Variants in CBX7 observed in about 807,000 individuals in gnomAD.
The protein encoded by CBX7 is chromobox protein homolog 7.
In CBX7, 14 loss-of-function variants were observed where a neutral mutation model predicts 31.4. That is an observed-to-expected ratio of 0.45 (90% CI 0.29 to 0.70). The LOEUF (loss-of-function observed/expected upper bound fraction) is 0.70, where lower values mean the gene tolerates loss of function less well. Among genes scored for constraint, CBX7 ranks in the 30% least tolerant of loss-of-function variants. CBX7 has a pLI of 0.11. For missense variants in CBX7, 269 were observed against 351.9 expected (o/e 0.76, Z 1.89); for synonymous variants, 159 against 152.6 (o/e 1.04, Z -0.31).
chr22:39,149,896 C>T lies in CBX7; in HGVS notation c.70-64G>A, dbSNP rs1930792261. 7.5e-6 allele frequency: 10 copies of T among 1,331,490 alleles called. No homozygotes were observed. In the East Asian group the frequency reaches 2.3e-4, roughly 31 times the overall value. 82.5% of individuals were successfully genotyped at this position (1,331,490 alleles called of 1,614,324 possible). ...TTGCCCCTACAGCCACTCGGAAGGA[C>T]AGTTAAGGCCCAAAGGAGCCCAGCT... On this transcript the variant is annotated intron_variant, in intron 1 of 5. Coordinates refer to ENST00000216133, the MANE Select transcript of CBX7 (RefSeq NM_175709.5).
chr22:39,149,660 C>A, intron 2 of CBX7, 129 bp downstream of exon 2: 1 of 783,316 alleles, frequency 1.3e-6, no homozygotes, highest in Admixed American at 1.9e-5. Context: ...ATGATTAAAT[C>A]AAGGTCAGCT....
chr22:39,147,099 T>C (rs1421327987), intron 2 of CBX7: 12 of 143,812 alleles, frequency 8.3e-5, no homozygotes, highest in African/African-American at 3.1e-4. Context: ...TTTTTTTTTT[T>C]TTTTTTTTTT....
At position 39,134,438 on chromosome 22, in the gene CBX7, G is replaced by T; in HGVS notation, c.561C>A (p.Gly187=). ...GGGGCTGCGCAGCAGGCTCCCACTC[G>T]CCAGCCGCCTGCAGGACGTCTGGGG... ...PPAPDVLQAA[G]EWEPAAQPPE... is the part of the protein sequence containing the mutation. Residue 187 remains glycine (G), a synonymous_variant, in exon 5 of 6, where the codon GGC becomes GGA. Transcript: ENST00000216133. 1 of 1,603,764 alleles carries T rather than the reference G, an allele frequency of 6.2e-7. No homozygotes were observed. The highest frequency in any genetic ancestry group is 8.5e-7 in the Non-Finnish European group (1 of 1,179,614).
Position 39,134,046 on chromosome 22 carries a change from C to T in CBX7, c.601G>A (p.Asp201Asn), listed in dbSNP as rs1311854513. Residue 201 changes from aspartate to asparagine, a missense_variant and splice_region_variant, in exon 6 of 6, where the codon GAT (aspartate) becomes AAT (asparagine). By Grantham distance (23) the Asp-to-Asn change is conservative. Around this residue, in one of 2 missense-constraint regions of CBX7, gnomAD observed 222 missense variants for 240.4 expected, o/e 0.92. Coordinates refer to ENST00000216133, the MANE Select transcript of CBX7 (RefSeq NM_175709.5). Reference sequence around the variant, plus strand: ...GGGGGCCCCTCGGCCAGGTCGGCATCTGCTGCAGCGTCAGACACACAGATG... The same window carrying T: ...GGGGGCCCCTCGGCCAGGTCGGCATTTGCTGCAGCGTCAGACACACAGATG... ...PAAQPPEEEADADLAEGPPPW... is the reference protein window; with the variant it reads ...PAAQPPEEEANADLAEGPPPW... 1 of 1,597,238 alleles carries T rather than the reference C, an allele frequency of 6.3e-7. No homozygotes were observed. Among genetic ancestry groups the T allele is most frequent in the South Asian group, 1.1e-5 (1 of 90,264 alleles).
In CBX7 at chr22:39,143,734, C is replaced by A. The variant is rs1930542159; in HGVS notation, c.114-2298G>T. Reference sequence around the variant, plus strand: ...TATCTTTTACACTGTATTCTTACTGCACCTTTTCTACGTTTGGATGTATTC... The same window carrying A: ...TATCTTTTACACTGTATTCTTACTGAACCTTTTCTACGTTTGGATGTATTC... On this transcript the variant is annotated intron_variant, in intron 2 of 5. Coordinates refer to ENST00000216133, the MANE Select transcript of CBX7 (RefSeq NM_175709.5). Among the ~76,000 whole-genome samples the A allele has an allele frequency of 2.0e-5, 3 of 152,206 alleles. No homozygotes were observed. The South Asian group carries it at 6.2e-4, about 31-fold the overall frequency.
At chr22:39,139,130 G>A (rs528483864) in intron 3 of CBX7, among the ~76,000 whole-genome samples, 1 of 152,304 alleles carries the variant, frequency 6.6e-6, no homozygotes, top group Non-Finnish European at 1.5e-5. Flanking sequence ...TAGTCCCTCT[G>A]CAAGTAAAGC....
rs2146378457 is a variant in CBX7 at position 39,152,671 on chromosome 22, C to G, written c.-227G>C. ...CTCGGCGCCAGCGAGCGAGCGCGCG[C>G]AAGGAGGGGGCGGGGCGGGAGCGCG... On this transcript the variant is annotated 5_prime_UTR_variant, in exon 1 of 6. Transcript: ENST00000216133. The surrounding 1 kb of genome is among the most constrained non-coding windows in gnomAD (Gnocchi z 4.9). The G allele has an allele frequency of 6.7e-6, 1 of 149,174 alleles. No homozygotes were observed. Among genetic ancestry groups the G allele is most frequent in the African/African-American group, 2.4e-5 (1 of 41,116 alleles). 9.2% of individuals were successfully genotyped at this position (149,174 alleles called of 1,614,324 possible).
chr22:39,141,134 A>T, intron 3 of CBX7: 1 of 495,104 alleles, frequency 2.0e-6, no homozygotes, highest in Non-Finnish European at 3.6e-6. Flanking sequence ...AGAGAGACTG[A>T]GGCCCGGGTG....
intron 2 of CBX7, 29 bp downstream of exon 2, chr22:39,149,760 G>A: frequency 1.2e-6 from 2 of 1,610,244 alleles, no homozygotes; most frequent in South Asian, 2.2e-5. Flanking sequence ...TAGGCAGACA[G>A]ACAGACACAC....
intron 2 of CBX7, among the ~76,000 whole-genome samples, chr22:39,142,245 C>T (rs1569109369): frequency 2.0e-5 from 3 of 152,148 alleles, no homozygotes; most frequent in Non-Finnish European, 1.5e-5. Flanking sequence ...AGAGTAACAG[C>T]GTGCCTGATG....
chr22:39,148,440 C>T (rs1930736293), intron 2 of CBX7: 1 of 152,346 alleles, frequency 6.6e-6, no homozygotes. Context: ...CTGGTGGCCA[C>T]AGCTTCCTGG....
chr22:39,138,587 C>A, intron 4 of CBX7, 49 bp downstream of exon 4: 1 of 1,569,066 alleles, frequency 6.4e-7, no homozygotes, highest in South Asian at 1.1e-5. Context: ...CAGAGGGGGA[C>A]TTGGGGTTGG....
intron 5 of CBX7, 58 bp downstream of exon 5, chr22:39,134,343 C>A: frequency 2.8e-6 from 4 of 1,404,738 alleles, no homozygotes; most frequent in Admixed American, 2.2e-5. Flanking sequence ...CCAGCTGGAC[C>A]TTATGACCCA....
intron 5 of CBX7, 88 bp downstream of exon 5, chr22:39,134,313 G>A (rs1460147897): frequency 3.5e-6 from 4 of 1,157,756 alleles, no homozygotes; most frequent in Admixed American, 5.3e-5. Context: ...AAGCACTACA[G>A]GCCCTCTTTG....
chr22:39,147,411 G>C (rs1163678717), intron 2 of CBX7: 1 of 151,922 alleles, frequency 6.6e-6, no homozygotes, highest in African/African-American at 2.4e-5. Flanking sequence ...TTACTGAGAA[G>C]AATGTAAGTC....
intron 3 of CBX7, 113 bp downstream of exon 3, chr22:39,141,258 C>T: frequency 1.2e-6 from 1 of 834,038 alleles, no homozygotes; most frequent in Admixed American, 2.4e-5. Flanking sequence ...GCTGGCCTGC[C>T]CCATCGGACA....
chr22:39,142,298 C>T (rs1003538194), intron 2 of CBX7, among the ~76,000 whole-genome samples: 5 of 152,168 alleles, frequency 3.3e-5, no homozygotes, highest in African/African-American at 7.2e-5. Context: ...TGTTCCTCCC[C>T]GCCCTCCAAA....
intron 2 of CBX7, among the ~76,000 whole-genome samples, chr22:39,145,908 AC>A (rs1930645096): frequency 1.3e-5 from 2 of 150,554 alleles, no homozygotes; most frequent in South Asian, 4.2e-4. Context: ...CGGGTGCAGG[AC>A]CCCCGCCGGC....
chr22:39,146,385 T>C (rs554913301), intron 2 of CBX7, among the ~76,000 whole-genome samples: 2 of 152,350 alleles, frequency 1.3e-5, no homozygotes, highest in South Asian at 4.1e-4. Context: ...TCTTGTCTTG[T>C]CTCAGGCAAT....
Sources: gnomAD v4.1 joint callset for allele counts (sites outside exome capture counted in the v4.1 genomes callset) on GRCh38, gnomAD v4.1.1 for gene constraint, gnomAD v4.1.1 regional missense constraint, Gnocchi (gnomAD v3.1) non-coding constraint, MANE v1.5 for transcripts, NCBI Gene and HGNC (gene_info 2026-07-23, HGNC 2026-07-21) for gene names.